AGBL3: variants seen among roughly 807,000 people sequenced by gnomAD.
AGBL3 encodes AGBL carboxypeptidase 3.
In AGBL3, 68 loss-of-function variants were observed where a neutral mutation model predicts 94.5. The observed-to-expected ratio is 0.72, with a 90% confidence interval of 0.59 to 0.88. The LOEUF (loss-of-function observed/expected upper bound fraction) is 0.88. AGBL3 is among the 40% of genes least tolerant of loss of function. The pLI is 0.00. For synonymous variants in AGBL3, 354 were observed against 370.7 expected (o/e 0.95, Z 0.52); for missense variants, 934 against 1,103.8 (o/e 0.85, Z 2.18).
chr7:135,081,307 C>T (rs926759186), intron 14 of AGBL3, among the ~76,000 whole-genome samples: 2 of 152,072 alleles, frequency 1.3e-5, no homozygotes, highest in Admixed American at 6.5e-5. Context: ...TATTTTGCAA[C>T]CTACTTTTTA....
intron 15 of AGBL3, among the ~76,000 whole-genome samples, chr7:135,082,145 G>A (rs1256719838): frequency 6.6e-6 from 1 of 152,072 alleles, no homozygotes. Flanking sequence ...CTGTAGCATT[G>A]AAAAAGTTTA....
At chr7:135,046,359 T>C (rs1281375467) in intron 11 of AGBL3, among the ~76,000 whole-genome samples, 1 of 152,150 alleles carries the variant, frequency 6.6e-6, no homozygotes, top group Non-Finnish European at 1.5e-5. Context: ...TATATTAGGC[T>C]TCACTCTTGG....
chr7:135,033,074 A>G, intron 6 of AGBL3, 92 bp downstream of exon 6: 1 of 1,258,714 alleles, frequency 7.9e-7, no homozygotes, highest in Non-Finnish European at 1.1e-6. Flanking sequence ...CCATTATGAA[A>G]CTGTAATTCC....
chr7:135,051,755 A>T (rs1318750619), intron 11 of AGBL3, among the ~76,000 whole-genome samples: 2 of 152,040 alleles, frequency 1.3e-5, no homozygotes, highest in Non-Finnish European at 2.9e-5. Context: ...AAAAATCTTC[A>T]TTCCTAATTA....
At chr7:135,052,126 C>CA (rs1817930576) in intron 11 of AGBL3, among the ~76,000 whole-genome samples, 2 of 152,118 alleles carry the variant, frequency 1.3e-5, no homozygotes, top group Non-Finnish European at 2.9e-5. Context: ...TCCCTTGTTC[C>CA]ATGGGTAACC....
chr7:135,126,418 C>A (rs1195856224), intron 16 of AGBL3, among the ~76,000 whole-genome samples: 1 of 152,184 alleles, frequency 6.6e-6, no homozygotes, highest in East Asian at 1.9e-4. Context: ...AACATTCCAT[C>A]CTCGTGGATA....
intron 11 of AGBL3, among the ~76,000 whole-genome samples, chr7:135,046,527 A>G (rs909417025): frequency 1.3e-5 from 2 of 152,144 alleles, no homozygotes; most frequent in African/African-American, 4.8e-5. Context: ...AACTGTCTCC[A>G]TAGTTTTGCC....
intron 3 of AGBL3, among the ~76,000 whole-genome samples, chr7:134,992,943 C>T (rs75312632): frequency 0.012 from 1,787 of 152,298 alleles, 34 homozygotes; most frequent in African/African-American, 0.041. Flanking sequence ...TGACCATCAA[C>T]GTCAAATTGA....
chr7:135,059,102 A>G, intron 11 of AGBL3, 67 bp from the exon 12 acceptor site: 1 of 1,212,442 alleles, frequency 8.2e-7, no homozygotes, highest in Non-Finnish European at 1.2e-6. Flanking sequence ...AAGATAAATA[A>G]AAGCAACAGT....
chr7:135,081,285 T>C (rs1194572550), intron 14 of AGBL3, among the ~76,000 whole-genome samples: 1 of 152,154 alleles, frequency 6.6e-6, no homozygotes, highest in Non-Finnish European at 1.5e-5. Flanking sequence ...ATGAATCACA[T>C]AATCATCGCA....
At chr7:135,077,272 A>G (rs1820543238) in intron 13 of AGBL3, among the ~76,000 whole-genome samples, 1 of 152,198 alleles carries the variant, frequency 6.6e-6, no homozygotes, top group African/African-American at 2.4e-5. Context: ...GCTCTACTTC[A>G]GGTGCTCCAC....
intron 3 of AGBL3, among the ~76,000 whole-genome samples, chr7:134,992,099 CT>C (rs1406958764): frequency 6.6e-6 from 1 of 152,222 alleles, no homozygotes; most frequent in Non-Finnish European, 1.5e-5. Flanking sequence ...GACTAGAACT[CT>C]TGTTCATTAA....
intron 15 of AGBL3, among the ~76,000 whole-genome samples, chr7:135,085,696 A>G (rs1821282979): frequency 6.6e-6 from 1 of 151,954 alleles, no homozygotes; most frequent in Admixed American, 6.6e-5. Flanking sequence ...GTTCTGTCTC[A>G]TTGGTCTACA....
intron 4 of AGBL3, among the ~76,000 whole-genome samples, chr7:134,994,538 G>C (rs1034163569): frequency 6.6e-6 from 1 of 152,008 alleles, no homozygotes; most frequent in Non-Finnish European, 1.5e-5. Flanking sequence ...TCCACCTTTT[G>C]TTGATTGAGG....
intron 11 of AGBL3, among the ~76,000 whole-genome samples, chr7:135,052,728 G>A (rs1817990429): frequency 6.6e-6 from 1 of 152,160 alleles, no homozygotes; most frequent in Non-Finnish European, 1.5e-5. Context: ...AGAGACAGAA[G>A]TGAGATCAAA....
intron 12 of AGBL3, among the ~76,000 whole-genome samples, chr7:135,066,466 T>G (rs142576001): frequency 1.3e-5 from 2 of 152,106 alleles, no homozygotes; most frequent in African/African-American, 4.8e-5. Flanking sequence ...AATTAAAAAA[T>G]TGTGTTTGCA....
intron 15 of AGBL3, among the ~76,000 whole-genome samples, chr7:135,099,781 T>G (rs1793274296): frequency 6.6e-6 from 1 of 152,156 alleles, no homozygotes; most frequent in African/African-American, 2.4e-5. Context: ...TTTAGCAGGT[T>G]CTGGGAAGAT....
At chr7:135,033,831 CTT>C in intron 6 of AGBL3, among the ~76,000 whole-genome samples, 1 of 152,194 alleles carries the variant, frequency 6.6e-6, no homozygotes, top group Non-Finnish European at 1.5e-5. Flanking sequence ...TTTGGTAACT[CTT>C]TAATCATTTC....
At chr7:135,112,979 G>T (rs1413823585) in intron 15 of AGBL3, among the ~76,000 whole-genome samples, 1 of 152,148 alleles carries the variant, frequency 6.6e-6, no homozygotes, top group African/African-American at 2.4e-5. Flanking sequence ...GTTTCACCCT[G>T]TTGGCCAGGC....
Sources: gnomAD v4.1 joint callset for allele counts (sites outside exome capture counted in the v4.1 genomes callset) on GRCh38, gnomAD v4.1.1 for gene constraint, MANE v1.5 for transcripts, NCBI Gene and HGNC (gene_info 2026-07-23, HGNC 2026-07-21) for gene names.